The following MYO10 variants were observed in gnomAD, a reference collection of about 807,000 sequenced individuals.
The protein encoded by MYO10 is myosin X.
In MYO10, 133 loss-of-function variants were observed where a neutral mutation model predicts 257.3. The ratio of observed to expected loss-of-function variants is 0.52; its 90% confidence interval spans 0.45 to 0.60. MYO10 has a LOEUF of 0.60. Among genes scored for constraint, MYO10 ranks in the 20% least tolerant of loss-of-function variants. The pLI, the probability that MYO10 is intolerant of heterozygous loss-of-function variation, is 0.00. For missense variants in MYO10, 2,399 were observed against 2,635.7 expected (o/e 0.91, Z 1.97); for synonymous variants, 1,104 against 1,028.6 (o/e 1.07, Z -1.40).
At position 16,681,946 on chromosome 5, in the gene MYO10, TCTC is replaced by T. The variant is rs751810442; in HGVS notation, c.4111_4113del (p.Glu1371del). Reference sequence around the variant, plus strand: ...TGCAGCAGGGTTATCCAGTGGTGCATCTCCTCCGGCGTGTCGGCGTTGCAGTGC... The same window carrying T: ...TGCAGCAGGGTTATCCAGTGGTGCATCTCCGGCGTGTCGGCGTTGCAGTGC... On this transcript the variant is annotated inframe_deletion, in exon 31 of 41. Transcript: ENST00000513610. 2 of 1,613,836 alleles carry T rather than the reference TCTC, an allele frequency of 1.2e-6. No individual in the cohort carries two copies. The highest frequency in any genetic ancestry group is 1.7e-6 in the Non-Finnish European group (2 of 1,179,888).
At chr5:16,728,686 G>A (rs890913188) in intron 19 of MYO10, among the ~76,000 whole-genome samples, 7 of 152,154 alleles carry the variant, frequency 4.6e-5, no homozygotes, top group African/African-American at 1.4e-4. Flanking sequence ...TTATATACCT[G>A]GAGACCCTGA....
intron 1 of MYO10, among the ~76,000 whole-genome samples, chr5:16,924,215 G>A (rs1746068365): frequency 6.6e-6 from 1 of 152,142 alleles, no homozygotes; most frequent in African/African-American, 2.4e-5. Flanking sequence ...AACCACGCTG[G>A]GGGGTGAGAT....
At chr5:16,864,422 T>C (rs1270376011) in intron 2 of MYO10, among the ~76,000 whole-genome samples, 4 of 152,232 alleles carry the variant, frequency 2.6e-5, no homozygotes, top group East Asian at 3.9e-4. Context: ...ACACACATGA[T>C]ACAGGTGGTG....
intron 28 of MYO10, among the ~76,000 whole-genome samples, chr5:16,686,904 A>T (rs1472050449): frequency 6.6e-6 from 1 of 152,200 alleles, no homozygotes; most frequent in Non-Finnish European, 1.5e-5. Context: ...AGTCAATAAA[A>T]CCACAGGAGA....
intron 19 of MYO10, among the ~76,000 whole-genome samples, chr5:16,721,592 C>T (rs1739154863): frequency 6.6e-6 from 1 of 152,148 alleles, no homozygotes; most frequent in Non-Finnish European, 1.5e-5. Context: ...GTAAGCAGGG[C>T]CTGACTGGCG....
chr5:16,897,689 C>T (rs1396024700), intron 1 of MYO10, among the ~76,000 whole-genome samples: 2 of 152,170 alleles, frequency 1.3e-5, no homozygotes, highest in South Asian at 2.1e-4. Flanking sequence ...CTTATCTCCA[C>T]GGCCTCCATT....
At chr5:16,666,871 T>G in intron 40 of MYO10, 78 bp from the exon 41 acceptor site, 30 of 1,146,750 alleles carry the variant, frequency 2.6e-5, no homozygotes, top group Non-Finnish European at 3.5e-5. Flanking sequence ...AATCCAGACA[T>G]TCCCTGGGCA....
At chr5:16,751,631 G>A (rs1428151009) in intron 19 of MYO10, among the ~76,000 whole-genome samples, 13 of 151,300 alleles carry the variant, frequency 8.6e-5, no homozygotes, top group South Asian at 4.2e-4. Context: ...ACAGGCACGC[G>A]CCACCAAACC....
chr5:16,675,916 C>T (rs1034654967), intron 34 of MYO10, 115 bp downstream of exon 34: 52 of 1,265,930 alleles, frequency 4.1e-5, no homozygotes, highest in Admixed American at 8.0e-5. Context: ...TTCCAATTCA[C>T]GACGAATAAG....
At chr5:16,774,576 C>G (rs1047406638) in intron 9 of MYO10, among the ~76,000 whole-genome samples, 1 of 151,966 alleles carries the variant, frequency 6.6e-6, no homozygotes, top group Non-Finnish European at 1.5e-5. Flanking sequence ...CGCCCACCAC[C>G]ACACCCGGCT....
At position 16,664,134 on chromosome 5, in the gene MYO10, C is replaced by T. The variant is rs1271669412; in HGVS notation, c.*2558G>A. 5 of 152,128 alleles carry T rather than the reference C, an allele frequency of 3.3e-5. No homozygotes were observed. The highest frequency in any genetic ancestry group is 7.2e-5 in the African/African-American group (3 of 41,404). The allele number at this position is 152,128 out of a possible 1,614,324, so 9.4% of individuals were successfully genotyped here. ...TGAAGGGCACGCAGGCCTCCCTGTA[C>T]GTTCTGTTGCAACTTTCTCTGAGTC... On this transcript the variant is annotated 3_prime_UTR_variant, in exon 41 of 41. Coordinates refer to ENST00000513610, the MANE Select transcript of MYO10 (RefSeq NM_012334.3).
intron 4 of MYO10, among the ~76,000 whole-genome samples, chr5:16,792,590 CG>C (rs55727978): frequency 2.3e-4 from 26 of 114,686 alleles, no homozygotes; most frequent in African/African-American, 1.2e-3. Flanking sequence ...GAGCGGGGGG[CG>C]GGGGGCTGCT....
At chr5:16,898,402 A>G (rs1745272344) in intron 1 of MYO10, among the ~76,000 whole-genome samples, 1 of 145,266 alleles carries the variant, frequency 6.9e-6, no homozygotes, top group East Asian at 2.0e-4. Flanking sequence ...CCCATTCTCA[A>G]ATTTCTTTCT....
intron 1 of MYO10, among the ~76,000 whole-genome samples, chr5:16,893,699 A>G (rs962441301): frequency 1.3e-5 from 2 of 151,642 alleles, no homozygotes; most frequent in African/African-American, 4.9e-5. Flanking sequence ...ATTTCTCTCC[A>G]TATTACACCT....
At chr5:16,667,259 C>T (rs183756572) in intron 40 of MYO10, among the ~76,000 whole-genome samples, 10 of 152,260 alleles carry the variant, frequency 6.6e-5, no homozygotes, top group East Asian at 3.9e-4. Context: ...GCTGGGAGAG[C>T]GGCCAGCTCC....
In MYO10 at chr5:16,701,902, C is replaced by T. The variant is rs896999946; in HGVS notation, c.2557-64G>A. 6 of 1,514,390 alleles carry T rather than the reference C, an allele frequency of 4.0e-6. No homozygotes were observed. The highest frequency in any genetic ancestry group is 1.4e-5 in the African/African-American group (1 of 71,726). The allele number at this position is 1,514,390 out of a possible 1,614,324, so 93.8% of individuals were successfully genotyped here. A position where few individuals can be genotyped will look rare whatever the true frequency, so the allele number is the denominator to read the frequency against. ...TACAAAAGTCCAAGCATAGCTCCCG[C>T]TTTGCAACCAGGATGAAATATGGTC... On this transcript the variant is annotated intron_variant, in intron 24 of 40. Transcript: ENST00000513610. The surrounding 1 kb of genome is among the most constrained non-coding windows in gnomAD (Gnocchi z 8.1).
chr5:16,708,447 A>G (rs539926545), intron 21 of MYO10, among the ~76,000 whole-genome samples: 2 of 152,330 alleles, frequency 1.3e-5, no homozygotes, highest in East Asian at 1.9e-4. Context: ...TTCTAAGTGA[A>G]GCTGGATTAG....
At chr5:16,714,647 G>A (rs895428473) in intron 19 of MYO10, among the ~76,000 whole-genome samples, 8 of 152,124 alleles carry the variant, frequency 5.3e-5, no homozygotes, top group African/African-American at 7.2e-5. Context: ...GTGAAACCCC[G>A]TCTCTACTAA....
intron 3 of MYO10, among the ~76,000 whole-genome samples, chr5:16,807,777 T>A (rs1273815333): frequency 6.6e-6 from 1 of 152,156 alleles, no homozygotes; most frequent in East Asian, 1.9e-4. Context: ...CAACTATTAA[T>A]AGCACCTCAG....
Sources: allele counts gnomAD v4.1 joint callset (sites outside exome capture counted in the v4.1 genomes callset), GRCh38; gene constraint gnomAD v4.1.1; non-coding constraint Gnocchi (gnomAD v3.1); transcripts MANE v1.5; gene names NCBI Gene and HGNC (gene_info 2026-07-23, HGNC 2026-07-21).